Variants in CISTR observed in about 807,000 individuals in gnomAD.
The protein encoded by CISTR is chondrogenic regulator lncRNA.
chr12:53,753,339 C>T (rs950832817), intron 1 of CISTR, among the ~76,000 whole-genome samples: 1 of 152,138 alleles, frequency 6.6e-6, no homozygotes, highest in African/African-American at 2.4e-5. Context: ...GGCTGGTCGT[C>T]AAGACCAACC....
exon 3 of CISTR, among the ~76,000 whole-genome samples, chr12:53,746,684 T>TA (rs1259368070): frequency 6.6e-6 from 1 of 152,158 alleles, no homozygotes; most frequent in Non-Finnish European, 1.5e-5. Flanking sequence ...GTCCCCGGCC[T>TA]AGGGCAGCCC....
exon 3 of CISTR, among the ~76,000 whole-genome samples, chr12:53,746,730 G>A (rs1270888541): frequency 1.3e-5 from 2 of 152,188 alleles, no homozygotes; most frequent in Non-Finnish European, 2.9e-5. Context: ...CAGCATCCAG[G>A]GCCGACGTCT....
intron 1 of CISTR, chr12:53,754,392 ATCTC>A (rs1937892137): frequency 6.6e-6 from 1 of 152,076 alleles, no homozygotes; most frequent in Admixed American, 6.6e-5. Flanking sequence ...ATGGGGGTTA[ATCTC>A]TCTCTATGCA....
chr12:53,754,120 G>A (rs1937889454), intron 1 of CISTR, among the ~76,000 whole-genome samples: 1 of 152,126 alleles, frequency 6.6e-6, no homozygotes. Context: ...GATGGGGATG[G>A]ATAATGGGAA....
chr12:53,754,326 G>A (rs1937891359), intron 1 of CISTR: 1 of 152,164 alleles, frequency 6.6e-6, no homozygotes, highest in Non-Finnish European at 1.5e-5. Context: ...GATCTCCCAG[G>A]CAGAACAGGT....
Position 53,751,173 on chromosome 12 carries a change from C to T in CISTR, n.415-208G>A, listed in dbSNP as rs1937845590. The stretch of plus-strand genomic sequence containing the variant: ...CTCCTGGCCCACAGGCCTCCGCACG[C>T]ACAGGACACACACACACACTCTCTC... On this transcript the variant is annotated intron_variant and non_coding_transcript_variant, in intron 1 of 2. Coordinates refer to ENST00000669269, the Ensembl canonical transcript of CISTR. The surrounding 1 kb of genome is among the most constrained non-coding windows in gnomAD (Gnocchi z 4.6). Among the ~76,000 whole-genome samples the T allele has an allele frequency of 6.6e-6, 1 of 152,064 alleles. No homozygotes were observed. The highest frequency in any genetic ancestry group is 1.5e-5 in the Non-Finnish European group (1 of 67,978).
chr12:53,748,142 C>T (rs1937803498), intron 2 of CISTR, among the ~76,000 whole-genome samples: 2 of 152,128 alleles, frequency 1.3e-5, no homozygotes, highest in African/African-American at 4.8e-5. Flanking sequence ...AGGGGATCTC[C>T]ATTTGGAGTG....
intron 1 of CISTR, among the ~76,000 whole-genome samples, chr12:53,752,794 T>C (rs575354784): frequency 6.6e-6 from 1 of 152,276 alleles, no homozygotes; most frequent in South Asian, 2.1e-4. Context: ...GGACCGGGAT[T>C]GGACTGAACT....
rs1291224810 is a variant in CISTR at position 53,748,972 on chromosome 12, GGTGTGTGTGTGTT to G, written n.1063+1332_1063+1344del. ...AGGCCTATATGTGTGAGTGTGTATG[GGTGTGTGTGTGTT>G]GTGTGTGTGTGTGAGCAGGAACCTG... On this transcript the variant is annotated intron_variant and non_coding_transcript_variant, in intron 2 of 2. Coordinates refer to ENST00000669269, the Ensembl canonical transcript of CISTR. Among the ~76,000 whole-genome samples, 11 of 151,740 alleles carry G rather than the reference GGTGTGTGTGTGTT, an allele frequency of 7.2e-5. No homozygotes were observed. The East Asian group carries it at 9.7e-4, about 13-fold the overall frequency.
rs1311284389 is a variant in CISTR at position 53,756,272 on chromosome 12, T to C, written n.414+542A>G. Among the ~76,000 whole-genome samples, 1 of 152,088 alleles carries C rather than the reference T, an allele frequency of 6.6e-6. No individual in the cohort carries two copies. On this transcript the variant is annotated intron_variant and non_coding_transcript_variant, in intron 1 of 2. Transcript: ENST00000669269. The surrounding 1 kb of genome is among the most constrained non-coding windows in gnomAD (Gnocchi z 4.0). ...AGTTCTTTGGGGATGAAGCACCTGA[T>C]AAATGAGGACCTGGAACTCCTTACA...
chr12:53,748,290 C>G (rs189301848), intron 2 of CISTR, among the ~76,000 whole-genome samples: 4 of 152,222 alleles, frequency 2.6e-5, no homozygotes, highest in Admixed American at 6.5e-5. Flanking sequence ...CCAAGCCCTC[C>G]GCGCCAGCGC....
chr12:53,748,189 A>G (rs1937804188), intron 2 of CISTR, among the ~76,000 whole-genome samples: 1 of 152,182 alleles, frequency 6.6e-6, no homozygotes, highest in Non-Finnish European at 1.5e-5. Flanking sequence ...TGCTGCAGTC[A>G]GAGACCGCGC....
intron 1 of CISTR, among the ~76,000 whole-genome samples, chr12:53,752,286 C>T (rs561771997): frequency 2.0e-5 from 3 of 152,364 alleles, no homozygotes; most frequent in African/African-American, 7.2e-5. Flanking sequence ...CTAATTGGGG[C>T]TCTTCTGGAC....
intron 2 of CISTR, among the ~76,000 whole-genome samples, chr12:53,750,243 G>T (rs534975921): frequency 2.0e-5 from 3 of 152,352 alleles, no homozygotes; most frequent in East Asian, 1.9e-4. Context: ...GCTGCTAGGA[G>T]TGGGGGAGTT....
chr12:53,749,868 T>A (rs930467339), intron 2 of CISTR, among the ~76,000 whole-genome samples: 1 of 152,220 alleles, frequency 6.6e-6, no homozygotes, highest in East Asian at 1.9e-4. Context: ...TGGGAAGACA[T>A]AGAGGAGGGT....
chr12:53,749,435 C>A (rs1248194589), intron 2 of CISTR, among the ~76,000 whole-genome samples: 1 of 151,836 alleles, frequency 6.6e-6, no homozygotes, highest in Admixed American at 6.6e-5. Flanking sequence ...GGAAGGCAGG[C>A]AGGGCACCTA....
intron 2 of CISTR, among the ~76,000 whole-genome samples, chr12:53,749,483 C>A (rs1445881967): frequency 6.6e-6 from 1 of 151,834 alleles, no homozygotes; most frequent in Non-Finnish European, 1.5e-5. Context: ...AACCCAGCAT[C>A]ATGTTTACCT....
chr12:53,747,348 TCCCA>T (rs1937794822), intron 2 of CISTR, among the ~76,000 whole-genome samples: 1 of 152,128 alleles, frequency 6.6e-6, no homozygotes, highest in South Asian at 2.1e-4. Flanking sequence ...TGGAATCCCC[TCCCA>T]CCCACCAGGC....
At chr12:53,749,549 C>CTTTCT (rs1565658664) in intron 2 of CISTR, among the ~76,000 whole-genome samples, 1 of 150,056 alleles carries the variant, frequency 6.7e-6, no homozygotes, top group African/African-American at 2.5e-5. Context: ...TTCTTTCTTT[C>CTTTCT]TTTTTTTTTA....
Sources: gnomAD v4.1 joint callset for allele counts (sites outside exome capture counted in the v4.1 genomes callset) on GRCh38, gnomAD v4.1.1 for gene constraint, Gnocchi (gnomAD v3.1) non-coding constraint, MANE v1.5 for transcripts, NCBI Gene and HGNC (gene_info 2026-07-23, HGNC 2026-07-21) for gene names.